Variants in CNTNAP2 observed in about 807,000 individuals in gnomAD.
CNTNAP2 encodes the protein contactin associated protein 2.
A neutral mutation model predicts 155.2 loss-of-function variants in CNTNAP2; 98 were observed. The observed-to-expected ratio is 0.63, with a 90% CI of 0.54 to 0.75. The LOEUF (loss-of-function observed/expected upper bound fraction) is 0.75, where lower values mean the gene tolerates loss of function less well. Ranked by LOEUF, CNTNAP2 falls within the 30% of genes least tolerant of loss-of-function variation. The probability of loss-of-function intolerance (pLI) is 0.00; values close to 1 mark genes in which losing one functional copy is unlikely to be tolerated. For missense variants in CNTNAP2, 1,727 were observed against 1,688.1 expected, an observed-to-expected ratio of 1.02 and a Z score of -0.40; for synonymous variants, 651 against 631.2, an observed-to-expected ratio of 1.03 and a Z score of -0.47.
intron 13 of CNTNAP2, among the ~76,000 whole-genome samples, chr7:147,660,080 T>C (rs1463516430): frequency 1.3e-5 from 2 of 152,228 alleles, no homozygotes; most frequent in African/African-American, 2.4e-5. Context: ...TGCATATCTA[T>C]TTAAGAGCTG....
intron 1 of CNTNAP2, among the ~76,000 whole-genome samples, chr7:146,270,305 T>A (rs987666498): frequency 6.6e-6 from 1 of 152,218 alleles, no homozygotes; most frequent in Non-Finnish European, 1.5e-5. Context: ...CTTAGCACAG[T>A]GCTCAACGTA....
chr7:147,580,299 C>T (rs1052484763), intron 12 of CNTNAP2, among the ~76,000 whole-genome samples: 5 of 152,198 alleles, frequency 3.3e-5, no homozygotes, highest in Admixed American at 1.3e-4. Context: ...GCAACCCTGC[C>T]GTCCCTGGCC....
intron 3 of CNTNAP2, among the ~76,000 whole-genome samples, chr7:147,041,762 A>G (rs1479820728): frequency 6.6e-6 from 1 of 152,242 alleles, no homozygotes; most frequent in African/African-American, 2.4e-5. Flanking sequence ...TTTTCTAAAT[A>G]TTGACATAAA....
chr7:147,458,077 A>G (rs1281925624), intron 10 of CNTNAP2, among the ~76,000 whole-genome samples: 1 of 152,116 alleles, frequency 6.6e-6, no homozygotes, highest in Non-Finnish European at 1.5e-5. Context: ...TTAAACATTA[A>G]ATAATGGTGA....
intron 2 of CNTNAP2, among the ~76,000 whole-genome samples, chr7:146,786,158 C>T (rs968098190): frequency 3.3e-5 from 5 of 152,194 alleles, no homozygotes; most frequent in African/African-American, 4.8e-5. Context: ...AATTACAATT[C>T]CTCTATACCA....
chr7:147,474,128 T>C (rs1398736208), intron 10 of CNTNAP2, among the ~76,000 whole-genome samples: 1 of 151,922 alleles, frequency 6.6e-6, no homozygotes, highest in East Asian at 1.9e-4. Flanking sequence ...GTTTTGTTTT[T>C]ACAAATGGTT....
chr7:148,227,081 A>G lies in CNTNAP2; in HGVS notation c.3248-2565A>G, dbSNP rs76950311. ...CTGAATACAAAAGAGAATATGCTTC[A>G]GGGCTGGTCTTTGGGGACTGCAAGA... On this transcript the variant is annotated intron_variant, in intron 19 of 23. Coordinates refer to ENST00000361727, the MANE Select transcript of CNTNAP2 (RefSeq NM_014141.6). 7.2e-3 allele frequency among the ~76,000 whole-genome samples: 1,098 copies of G among 152,266 alleles called. 13 individuals carry two copies. The highest frequency in any genetic ancestry group is 0.011 in the Non-Finnish European group (726 of 68,002).
At chr7:146,122,229 G>T (rs2116720314) in intron 1 of CNTNAP2, among the ~76,000 whole-genome samples, 1 of 152,328 alleles carries the variant, frequency 6.6e-6, no homozygotes. Context: ...AATAGATTCT[G>T]CTGAACGATA....
chr7:147,394,240 T>C (rs568282579), intron 9 of CNTNAP2, among the ~76,000 whole-genome samples: 1 of 152,120 alleles, frequency 6.6e-6, no homozygotes, highest in South Asian at 2.1e-4. Flanking sequence ...CTTTCTACCC[T>C]GATTATAAGT....
At chr7:147,339,988 C>A (rs746866361) in intron 9 of CNTNAP2, among the ~76,000 whole-genome samples, 11 of 152,132 alleles carry the variant, frequency 7.2e-5, no homozygotes, top group Non-Finnish European at 1.6e-4. Context: ...AAGTGCCGGA[C>A]TTTTCATGTC....
At chr7:146,339,215 A>G (rs1801331540) in intron 1 of CNTNAP2, among the ~76,000 whole-genome samples, 1 of 152,098 alleles carries the variant, frequency 6.6e-6, no homozygotes, top group Non-Finnish European at 1.5e-5. Context: ...GTCTCCATAG[A>G]ATCTAGTATA....
chr7:146,339,790 C>G (rs1449698292), intron 1 of CNTNAP2, among the ~76,000 whole-genome samples: 1 of 152,082 alleles, frequency 6.6e-6, no homozygotes, highest in Non-Finnish European at 1.5e-5. Flanking sequence ...GGATTTTACT[C>G]TTTTCGTGCA....
rs34322489 is a variant in CNTNAP2 at position 147,826,928 on chromosome 7, ATT to A, written c.2099-76618_2099-76617del. On this transcript the variant is annotated intron_variant, in intron 13 of 23. Transcript: ENST00000361727. ...CCCCCTTTACATAAAAGCTGAATAC[ATT>A]TTTTTTTTTTTTTTTTTTGAGACGG... Among the ~76,000 whole-genome samples, 211 of 123,794 alleles carry A rather than the reference ATT, an allele frequency of 1.7e-3. 1 individual carries two copies. The Middle Eastern group carries it at 0.017, about 10-fold the overall frequency. The allele number at this position is 123,794 out of a possible 152,430, so 81.2% of individuals were successfully genotyped here. A position where few individuals can be genotyped will look rare whatever the true frequency, so the allele number is the denominator to read the frequency against.
intron 10 of CNTNAP2, among the ~76,000 whole-genome samples, chr7:147,485,589 G>C (rs1563222972): frequency 6.6e-6 from 1 of 152,292 alleles, no homozygotes; most frequent in East Asian, 1.9e-4. Context: ...AAATAAGACA[G>C]CTTATCTTCG....
chr7:147,886,156 C>G (rs1290544670), intron 13 of CNTNAP2, among the ~76,000 whole-genome samples: 1 of 152,128 alleles, frequency 6.6e-6, no homozygotes, highest in African/African-American at 2.4e-5. Context: ...TCAGTTGTCA[C>G]TGTGGATGAC....
At chr7:146,865,083 G>A (rs575977676) in intron 3 of CNTNAP2, among the ~76,000 whole-genome samples, 15 of 150,864 alleles carry the variant, frequency 9.9e-5, no homozygotes, top group East Asian at 5.8e-4. Flanking sequence ...TCAAATATTC[G>A]GAAAATGTAA....
chr7:148,275,871 T>G (rs1340524514), intron 21 of CNTNAP2, among the ~76,000 whole-genome samples: 1 of 152,150 alleles, frequency 6.6e-6, no homozygotes, highest in Non-Finnish European at 1.5e-5. Flanking sequence ...CCCTACCTCT[T>G]GGTGGCATCG....
intron 12 of CNTNAP2, among the ~76,000 whole-genome samples, chr7:147,598,518 T>C (rs1463337174): frequency 1.3e-5 from 2 of 152,204 alleles, no homozygotes; most frequent in East Asian, 3.9e-4. Flanking sequence ...GAACTCATTC[T>C]TTTTTATGGC....
At chr7:146,474,626 A>G (rs186154688) in intron 1 of CNTNAP2, among the ~76,000 whole-genome samples, 12 of 152,254 alleles carry the variant, frequency 7.9e-5, no homozygotes, top group Admixed American at 7.2e-4. Flanking sequence ...TAAATCATCA[A>G]TCGATCTGAA....
Sources: allele counts gnomAD v4.1 joint callset (sites outside exome capture counted in the v4.1 genomes callset), GRCh38; gene constraint gnomAD v4.1.1; transcripts MANE v1.5; gene names NCBI Gene and HGNC (gene_info 2026-07-23, HGNC 2026-07-21).